Variants in SKIL observed in about 807,000 individuals in gnomAD.
The protein encoded by SKIL is SKI like proto-oncogene, also known as ski-like protein.
In SKIL, 20 loss-of-function variants were observed where a neutral mutation model predicts 69.6. That is an observed-to-expected ratio of 0.29 (90% CI 0.20 to 0.42). SKIL has a LOEUF of 0.42. SKIL is among the 10% of genes least tolerant of loss of function. The pLI, the probability that SKIL is intolerant of heterozygous loss-of-function variation, is 1.00. For missense variants in SKIL, 745 were observed against 783.1 expected (o/e 0.95, Z 0.58); for synonymous variants, 310 against 279.9 (o/e 1.11, Z -1.08).
chr3:170,376,382 T>G (rs1737034771), intron 2 of SKIL, among the ~76,000 whole-genome samples: 1 of 152,156 alleles, frequency 6.6e-6, no homozygotes, highest in Non-Finnish European at 1.5e-5. Context: ...TTTGTTAGAA[T>G]GAACTTATCC....
At chr3:170,371,500 C>G (rs1736804362) in intron 2 of SKIL, among the ~76,000 whole-genome samples, 1 of 152,102 alleles carries the variant, frequency 6.6e-6, no homozygotes, top group Non-Finnish European at 1.5e-5. Flanking sequence ...GAGTGAGACT[C>G]TGTCTCAAAA....
intron 2 of SKIL, among the ~76,000 whole-genome samples, chr3:170,368,890 A>G (rs893713551): frequency 5.9e-5 from 9 of 152,154 alleles, no homozygotes; most frequent in Non-Finnish European, 2.9e-5. Context: ...TGCCCATTCC[A>G]TTTATTCGGT....
chr3:170,386,931 C>T (rs1737660594), intron 4 of SKIL, among the ~76,000 whole-genome samples: 1 of 151,962 alleles, frequency 6.6e-6, no homozygotes, highest in Non-Finnish European at 1.5e-5. Context: ...TAAAATTTAC[C>T]CTTTTAAAGC....
At chr3:170,363,094 T>C (rs542062463) in intron 2 of SKIL, among the ~76,000 whole-genome samples, 1 of 152,242 alleles carries the variant, frequency 6.6e-6, no homozygotes, top group African/African-American at 2.4e-5. Flanking sequence ...TTTTATTTAA[T>C]TCTTAACAAG....
intron 2 of SKIL, among the ~76,000 whole-genome samples, chr3:170,364,613 G>A (rs567762747): frequency 2.6e-5 from 4 of 152,062 alleles, no homozygotes; most frequent in East Asian, 3.9e-4. Flanking sequence ...GAGCCATGGC[G>A]CCTGGCCCGC....
Position 170,357,742 on chromosome 3 carries a change from A to ACGGCGGCGG in SKIL, c.-648_-640dup, listed in dbSNP as rs542866555. 3.7e-5 allele frequency: 6 copies of ACGGCGGCGG among 162,126 alleles called. No homozygotes were observed. Among genetic ancestry groups the ACGGCGGCGG allele is most frequent in the African/African-American group, 9.9e-5 (4 of 40,258 alleles). 10.0% of individuals were successfully genotyped at this position (162,126 alleles called of 1,614,324 possible). A position where few individuals can be genotyped will look rare whatever the true frequency, so the allele number is the denominator to read the frequency against. ...AGCCGAAGGGAGCGGGCGAGCGGCG[A>ACGGCGGCGG]CGGCGGCGGCGGCGGGCACAGGTGC... On this transcript the variant is annotated 5_prime_UTR_variant, in exon 1 of 7. Transcript: ENST00000259119.
Position 170,361,063 on chromosome 3 carries a change from C to T in SKIL, c.732C>T (p.Ser244=), listed in dbSNP as rs140378897. 2.8e-5 allele frequency: 45 copies of T among 1,614,220 alleles called. No individual in the cohort carries two copies. In the African/African-American group the frequency reaches 5.5e-4, roughly 20 times the overall value. Residue 244 remains serine (S), a synonymous_variant, in exon 2 of 7, where the codon AGC becomes AGT. Coordinates refer to ENST00000259119, the MANE Select transcript of SKIL (RefSeq NM_005414.5). ...CACGAACTTTTCCTCAAAATGGTAG[C>T]GTACTTCCTGCTAAAAGCTCATTGG... ...LRPRTFPQNG[S]VLPAKSSLAQ...
In SKIL at chr3:170,390,278, C is replaced by G; in HGVS notation, c.1485C>G (p.Cys495Trp). ...TSKRKSESATCNLVRDINKVG... is the reference protein window; with the variant it reads ...TSKRKSESATWNLVRDINKVG... Reference sequence around the variant, plus strand: ...AAAGGAAATCTGAGTCTGCCACTTGCAACTTAGTCAGAGACATAAACAAAG... The same window carrying G: ...AAAGGAAATCTGAGTCTGCCACTTGGAACTTAGTCAGAGACATAAACAAAG... The change falls in exon 5 of 7, where the codon TGC becomes TGG. Residue 495 changes from cysteine to tryptophan, a missense_variant. Physicochemically the swap from Cys to Trp is radical, Grantham distance 215. Transcript: ENST00000259119. 1.2e-6 allele frequency: 2 copies of G among 1,612,754 alleles called. No individual in the cohort carries two copies. Among genetic ancestry groups the G allele is most frequent in the Non-Finnish European group, 8.5e-7 (1 of 1,178,808 alleles).
In SKIL at chr3:170,391,620, C is replaced by T. The variant is rs113583790; in HGVS notation, c.1896+360C>T. 2.7e-4 allele frequency among the ~76,000 whole-genome samples: 41 copies of T among 152,210 alleles called. 1 individual carries two copies. Among genetic ancestry groups the T allele is most frequent in the African/African-American group, 6.5e-4 (27 of 41,532 alleles). On this transcript the variant is annotated intron_variant, in intron 6 of 6. Transcript: ENST00000259119. The stretch of plus-strand genomic sequence containing the variant: ...AAGCATGAGCCACTGCACCCGGCCA[C>T]CGTTACTTCTCTAATAAAGGAATTA...
At chr3:170,376,036 A>G (rs1249027012) in intron 2 of SKIL, among the ~76,000 whole-genome samples, 1 of 122,742 alleles carries the variant, frequency 8.1e-6, no homozygotes, top group Non-Finnish European at 1.7e-5. Flanking sequence ...ATTCAAGCTG[A>G]TTTTCCTTTT....
chr3:170,358,118 C>A (rs948793196), intron 1 of SKIL, among the ~76,000 whole-genome samples: 1 of 152,176 alleles, frequency 6.6e-6, no homozygotes, highest in African/African-American at 2.4e-5. Context: ...GCGGGGATGC[C>A]CTGGTCTCGA....
chr3:170,387,933 CAAAA>C (rs541166783), intron 4 of SKIL, among the ~76,000 whole-genome samples: 3 of 51,088 alleles, frequency 5.9e-5, no homozygotes, highest in Admixed American at 3.5e-4. Context: ...GACTCCGTCT[CAAAA>C]AAAAAAAAAA....
intron 6 of SKIL, 75 bp downstream of exon 6, chr3:170,391,335 T>A: frequency 1.2e-6 from 1 of 846,868 alleles, no homozygotes; most frequent in Non-Finnish European, 1.8e-6. Flanking sequence ...TTTTTTTTTT[T>A]TGAGACAGAG....
rs1485398570 is a variant in SKIL at position 170,393,182 on chromosome 3, T to A, written c.*765T>A. The A allele has an allele frequency of 1.3e-5, 2 of 152,184 alleles. No individual in the cohort carries two copies. Among genetic ancestry groups the A allele is most frequent in the African/African-American group, 4.8e-5 (2 of 41,448 alleles). The allele number at this position is 152,184 out of a possible 1,614,324, so 9.4% of individuals were successfully genotyped here. Reference sequence around the variant, plus strand: ...TCTGAACTTTTGTTTGTGTTGTTAATAGTGGTGTGAAAATATTAACGTTCT... The same window carrying A: ...TCTGAACTTTTGTTTGTGTTGTTAAAAGTGGTGTGAAAATATTAACGTTCT... On this transcript the variant is annotated 3_prime_UTR_variant, in exon 7 of 7. Transcript: ENST00000259119.
At chr3:170,371,539 T>TA (rs1736807119) in intron 2 of SKIL, among the ~76,000 whole-genome samples, 1 of 152,076 alleles carries the variant, frequency 6.6e-6, no homozygotes, top group Non-Finnish European at 1.5e-5. Context: ...AAGGAGTAGT[T>TA]ACTGGAATAA....
intron 4 of SKIL, 144 bp from the exon 5 acceptor site, chr3:170,390,079 C>T: frequency 1.6e-6 from 1 of 644,256 alleles, no homozygotes; most frequent in Non-Finnish European, 2.6e-6. Flanking sequence ...ACTTGCACTG[C>T]TTTTGTTAAA....
At chr3:170,364,319 T>G (rs1258166349) in intron 2 of SKIL, among the ~76,000 whole-genome samples, 1 of 11,834 alleles carries the variant, frequency 8.5e-5, no homozygotes, top group Non-Finnish European at 2.2e-4. Context: ...GTCTTTTTTT[T>G]TTTTTTTTTT....
In SKIL at chr3:170,394,356, A is replaced by G. The variant is rs1738088483; in HGVS notation, c.*1939A>G. The G allele has an allele frequency of 6.6e-6, 1 of 152,114 alleles. No individual in the cohort carries two copies. Among genetic ancestry groups the G allele is most frequent in the Non-Finnish European group, 1.5e-5 (1 of 68,008 alleles). 9.4% of individuals were successfully genotyped at this position (152,114 alleles called of 1,614,324 possible). On this transcript the variant is annotated 3_prime_UTR_variant, in exon 7 of 7. Coordinates refer to ENST00000259119, the MANE Select transcript of SKIL (RefSeq NM_005414.5). ...AATACAATCTATTTAGATCTGGAGA[A>G]GGAAAAATCAGATATTTATGATATA...
At chr3:170,382,799 A>C (rs557690824) in intron 3 of SKIL, among the ~76,000 whole-genome samples, 6 of 149,302 alleles carry the variant, frequency 4.0e-5, no homozygotes, top group African/African-American at 1.5e-4. Context: ...GCTCACTGCA[A>C]CCTCCGCCTC....
Sources: gnomAD v4.1 joint callset for allele counts (sites outside exome capture counted in the v4.1 genomes callset) on GRCh38, gnomAD v4.1.1 for gene constraint, MANE v1.5 for transcripts, NCBI Gene and HGNC (gene_info 2026-07-23, HGNC 2026-07-21) for gene names.